Variants in YAF2 observed in about 807,000 individuals in gnomAD.
YAF2 encodes the protein YY1 associated factor 2, also known as YY1-associated factor 2.
YAF2 carries 7 observed loss-of-function variants against 20.1 expected under a neutral mutation model. The observed-to-expected ratio is 0.35, with a 90% CI of 0.20 to 0.65. YAF2 has a LOEUF of 0.65. Among genes scored for constraint, YAF2 ranks in the 30% least tolerant of loss-of-function variants. The pLI is 0.69. For missense variants in YAF2, 151 were observed against 219.2 expected (o/e 0.69, Z 1.96); for synonymous variants, 74 against 76.0 (o/e 0.97, Z 0.14).
intron 2 of YAF2, among the ~76,000 whole-genome samples, chr12:42,219,374 T>C (rs1409045533): frequency 6.6e-6 from 1 of 152,180 alleles, no homozygotes; most frequent in Non-Finnish European, 1.5e-5. Context: ...TTCCCAAAGA[T>C]GGCCTTGGAT....
intron 2 of YAF2, among the ~76,000 whole-genome samples, chr12:42,189,128 A>G (rs1344225231): frequency 6.6e-6 from 1 of 152,208 alleles, no homozygotes; most frequent in Non-Finnish European, 1.5e-5. Flanking sequence ...CAATTAAGGT[A>G]GAGAGAGCAC....
At chr12:42,216,434 C>T (rs930016085) in intron 2 of YAF2, among the ~76,000 whole-genome samples, 3 of 152,090 alleles carry the variant, frequency 2.0e-5, no homozygotes, top group Admixed American at 1.3e-4. Context: ...TATCCTCTTC[C>T]CTCTGTTTCT....
intron 2 of YAF2, among the ~76,000 whole-genome samples, chr12:42,198,190 T>G (rs1026425656): frequency 2.0e-5 from 3 of 152,174 alleles, no homozygotes; most frequent in Non-Finnish European, 4.4e-5. Flanking sequence ...GAGAAGTTAG[T>G]GGCCTTTCCT....
chr12:42,215,815 G>A (rs186996554), intron 2 of YAF2, among the ~76,000 whole-genome samples: 1 of 152,122 alleles, frequency 6.6e-6, no homozygotes, highest in Admixed American at 6.5e-5. Flanking sequence ...CTAGCTACTC[G>A]GGAGGCTGAG....
At chr12:42,165,832 T>C (rs958141207) in intron 2 of YAF2, among the ~76,000 whole-genome samples, 13 of 144,704 alleles carry the variant, frequency 9.0e-5, no homozygotes, top group African/African-American at 3.3e-4. Context: ...TCATGCCTAA[T>C]CCTATGAACA....
intron 2 of YAF2, among the ~76,000 whole-genome samples, chr12:42,208,947 CACT>C: frequency 6.6e-6 from 1 of 152,274 alleles, no homozygotes; most frequent in Admixed American, 6.5e-5. Context: ...AGCAGGACAC[CACT>C]ACGAGCTCTT....
Position 42,230,544 on chromosome 12 carries a change from G to A in YAF2, c.152+7055C>T, listed in dbSNP as rs140381576. ...TTTCAAAAAAGATAATGAAGATCAT[G>A]TTAGTAGCATTCCAAAGGAGAGACC... On this transcript the variant is annotated intron_variant, in intron 2 of 3. Coordinates refer to ENST00000534854, the MANE Select transcript of YAF2 (RefSeq NM_005748.6). 9.5e-3 allele frequency among the ~76,000 whole-genome samples: 1,449 copies of A among 152,210 alleles called. 33 individuals are homozygous for A. The highest frequency in any genetic ancestry group is 0.033 in the African/African-American group (1,354 of 41,522).
At chr12:42,189,749 A>G (rs934562139) in intron 2 of YAF2, among the ~76,000 whole-genome samples, 3 of 152,198 alleles carry the variant, frequency 2.0e-5, no homozygotes, top group African/African-American at 7.2e-5. Flanking sequence ...GTATTAATTA[A>G]ATTAGTATTA....
In YAF2 at chr12:42,234,192, GAGAAAAGAAAAGAAAAGAAA is replaced by G. The variant is rs67374165; in HGVS notation, c.152+3387_152+3406del. 1.2e-3 allele frequency: 1,108 copies of G among 912,494 alleles called. 3 individuals carry two copies. The highest frequency in any genetic ancestry group is 3.3e-3 in the Middle Eastern group (6 of 1,794). The allele number at this position is 912,494 out of a possible 1,614,324, so 56.5% of individuals were successfully genotyped here. A position where few individuals can be genotyped will look rare whatever the true frequency, so the allele number is the denominator to read the frequency against. On this transcript the variant is annotated intron_variant, in intron 2 of 3. Transcript: ENST00000534854. ...TCAAATTCTGCCTCAAAAAAAAAAA[GAGAAAAGAAAAGAAAAGAAA>G]AGAAAAGAAAAGAAAAGAAAGAAAA...
chr12:42,182,120 C>T (rs2066357425), intron 2 of YAF2, among the ~76,000 whole-genome samples: 1 of 151,280 alleles, frequency 6.6e-6, no homozygotes, highest in South Asian at 2.1e-4. Context: ...AATTATTTCA[C>T]AAAAAAAGAA....
At chr12:42,164,674 C>G (rs996873446) in intron 2 of YAF2, among the ~76,000 whole-genome samples, 2 of 144,394 alleles carry the variant, frequency 1.4e-5, no homozygotes, top group South Asian at 4.4e-4. Context: ...TAAATCTCAT[C>G]AAAAAAAAAA....
chr12:42,205,868 G>A (rs1488226983), intron 2 of YAF2: 1 of 410,908 alleles, frequency 2.4e-6, no homozygotes. Flanking sequence ...CTCAAATTTT[G>A]ATACAACACT....
chr12:42,229,543 A>C (rs930351492), intron 2 of YAF2, among the ~76,000 whole-genome samples: 9 of 152,260 alleles, frequency 5.9e-5, no homozygotes, highest in Non-Finnish European at 1.3e-4. Flanking sequence ...AGACAATTAT[A>C]CTACAATATA....
intron 2 of YAF2, among the ~76,000 whole-genome samples, chr12:42,200,301 G>T (rs1397714770): frequency 1.3e-5 from 2 of 152,160 alleles, no homozygotes; most frequent in Non-Finnish European, 2.9e-5. Context: ...GAAGAAAACA[G>T]ATTTGCATGT....
At chr12:42,165,106 T>G (rs1427559533) in intron 2 of YAF2, among the ~76,000 whole-genome samples, 1 of 151,630 alleles carries the variant, frequency 6.6e-6, no homozygotes, top group Admixed American at 6.6e-5. Context: ...TTTGATAAAT[T>G]TTATTGCACA....
At chr12:42,227,846 G>A (rs1402716034) in intron 2 of YAF2, among the ~76,000 whole-genome samples, 3 of 141,078 alleles carry the variant, frequency 2.1e-5, no homozygotes, top group Non-Finnish European at 3.1e-5. Flanking sequence ...GAGGGAGGTG[G>A]GGGGGTCAGC....
At chr12:42,235,713 T>C (rs1296388524) in intron 2 of YAF2, 6 of 1,533,678 alleles carry the variant, frequency 3.9e-6, no homozygotes, top group Non-Finnish European at 5.2e-6. Context: ...CCTCAAGTAA[T>C]GTTTCCACCA....
intron 2 of YAF2, among the ~76,000 whole-genome samples, chr12:42,173,180 C>T (rs1057492226): frequency 2.0e-5 from 3 of 152,180 alleles, no homozygotes; most frequent in Non-Finnish European, 2.9e-5. Flanking sequence ...CAGCCTCAAA[C>T]TCCTGGGCTC....
intron 2 of YAF2, chr12:42,233,154 C>A (rs1005357020): frequency 1.0e-6 from 1 of 985,396 alleles, no homozygotes; most frequent in East Asian, 1.1e-4. Flanking sequence ...TTACCAAAAT[C>A]ATACTAGTGT....
Sources: gnomAD v4.1 joint callset for allele counts (sites outside exome capture counted in the v4.1 genomes callset) on GRCh38, gnomAD v4.1.1 for gene constraint, MANE v1.5 for transcripts, NCBI Gene and HGNC (gene_info 2026-07-23, HGNC 2026-07-21) for gene names.